The following MYO1D variants were observed in gnomAD, a reference collection of about 807,000 sequenced individuals.
MYO1D encodes myosin ID.
Under a neutral mutation model 122.0 loss-of-function variants are expected in MYO1D, and 83 were observed. The ratio of observed to expected loss-of-function variants is 0.68; its 90% CI spans 0.57 to 0.82. The LOEUF (loss-of-function observed/expected upper bound fraction) is 0.82, where lower values mean the gene tolerates loss of function less well. Among genes scored for constraint, MYO1D ranks in the 40% least tolerant of loss-of-function variants. MYO1D has a pLI of 0.00. For missense variants in MYO1D, 1,157 were observed against 1,269.5 expected, an observed-to-expected ratio of 0.91 and a Z score of 1.35; for synonymous variants, 464 against 446.9, an observed-to-expected ratio of 1.04 and a Z score of -0.48.
At chr17:32,677,059 T>G (rs1172980279) in intron 16 of MYO1D, among the ~76,000 whole-genome samples, 2 of 152,040 alleles carry the variant, frequency 1.3e-5, no homozygotes, top group Non-Finnish European at 2.9e-5. Flanking sequence ...ATCTGCCCGC[T>G]TCGGCCTCCC....
intron 21 of MYO1D, among the ~76,000 whole-genome samples, chr17:32,577,333 C>T (rs2087288222): frequency 6.6e-6 from 1 of 151,690 alleles, no homozygotes. Context: ...GGTCTTGCTA[C>T]ATTGCCAGGG....
rs548005658 is a variant in MYO1D at position 32,521,538 on chromosome 17, C to T, written c.2865-26623G>A. 9.2e-5 allele frequency among the ~76,000 whole-genome samples: 14 copies of T among 152,316 alleles called. No individual in the cohort carries two copies. In the East Asian group the frequency reaches 2.5e-3, roughly 27 times the overall value. The stretch of plus-strand genomic sequence containing the variant: ...GTCAAGGAATATTTAAATATAGATG[C>T]TAGTGAAATTCATGATCAATAATTT... On this transcript the variant is annotated intron_variant, in intron 21 of 21. Transcript: ENST00000318217.
At chr17:32,727,491 T>A (rs1413736750) in intron 14 of MYO1D, 1 of 152,178 alleles carries the variant, frequency 6.6e-6, no homozygotes, top group Non-Finnish European at 1.5e-5. Context: ...ATTCTGACCA[T>A]AAGTAATGTT....
At chr17:32,550,134 C>G (rs1315048022) in intron 21 of MYO1D, among the ~76,000 whole-genome samples, 2 of 148,100 alleles carry the variant, frequency 1.4e-5, no homozygotes, top group African/African-American at 5.0e-5. Flanking sequence ...GAGTCTAACT[C>G]TGTTGCCCAG....
rs74793766 is a variant in MYO1D at position 32,530,503 on chromosome 17, T to C, written c.2865-35588A>G. The stretch of plus-strand genomic sequence containing the variant: ...TCTGGGACAAGAATGAAAGACATCA[T>C]TCAAGACAAAAGAAAGGCTTAGTGC... On this transcript the variant is annotated intron_variant, in intron 21 of 21. Coordinates refer to ENST00000318217, the MANE Select transcript of MYO1D (RefSeq NM_015194.3). 2.8e-3 allele frequency among the ~76,000 whole-genome samples: 419 copies of C among 152,304 alleles called. 21 individuals are homozygous for C. The East Asian group carries it at 0.07, about 26-fold the overall frequency.
At chr17:32,589,070 T>G (rs1289959567) in intron 21 of MYO1D, among the ~76,000 whole-genome samples, 2 of 152,200 alleles carry the variant, frequency 1.3e-5, no homozygotes, top group Non-Finnish European at 2.9e-5. Flanking sequence ...AAGTGTACAG[T>G]ACAACAGTGT....
At chr17:32,865,128 A>G (rs1284765552) in intron 1 of MYO1D, among the ~76,000 whole-genome samples, 1 of 152,256 alleles carries the variant, frequency 6.6e-6, no homozygotes, top group African/African-American at 2.4e-5. Flanking sequence ...CAAAGCTGAT[A>G]TATGACCAAT....
chr17:32,744,620 G>A (rs893598000), intron 13 of MYO1D, among the ~76,000 whole-genome samples: 1 of 152,186 alleles, frequency 6.6e-6, no homozygotes, highest in South Asian at 2.1e-4. Flanking sequence ...TTAACCCATA[G>A]AAAGATGACC....
chr17:32,657,837 A>G (rs2088497975), intron 17 of MYO1D, among the ~76,000 whole-genome samples: 1 of 152,224 alleles, frequency 6.6e-6, no homozygotes, highest in African/African-American at 2.4e-5. Flanking sequence ...AGAAGACTGT[A>G]TAGGCTGTAG....
intron 21 of MYO1D, among the ~76,000 whole-genome samples, chr17:32,548,247 T>C (rs1464395575): frequency 6.6e-6 from 1 of 151,784 alleles, no homozygotes; most frequent in Admixed American, 6.6e-5. Context: ...GCTGGTCTTT[T>C]ATATTTTTTG....
At chr17:32,676,137 G>A (rs2088805674) in intron 16 of MYO1D, among the ~76,000 whole-genome samples, 1 of 152,122 alleles carries the variant, frequency 6.6e-6, no homozygotes, top group African/African-American at 2.4e-5. Context: ...TCATGGCAAA[G>A]TTCTCAAAAC....
chr17:32,622,533 G>C (rs1483775192), intron 20 of MYO1D, among the ~76,000 whole-genome samples: 2 of 152,128 alleles, frequency 1.3e-5, no homozygotes, highest in African/African-American at 4.8e-5. Context: ...GGCATACAGA[G>C]GGATAAGATG....
intron 1 of MYO1D, among the ~76,000 whole-genome samples, chr17:32,818,479 A>AC (rs771824584): frequency 6.6e-6 from 1 of 152,102 alleles, no homozygotes; most frequent in Non-Finnish European, 1.5e-5. Flanking sequence ...CACATTCAAG[A>AC]CCCATTCGGC....
intron 1 of MYO1D, among the ~76,000 whole-genome samples, chr17:32,837,283 C>CT (rs10692549): frequency 7.5e-6 from 1 of 132,736 alleles, no homozygotes; most frequent in East Asian, 2.2e-4. Context: ...GGCTGTTTGT[C>CT]TTTTTTTTTC....
At chr17:32,710,775 A>G (rs2089365776) in intron 16 of MYO1D, among the ~76,000 whole-genome samples, 1 of 152,246 alleles carries the variant, frequency 6.6e-6, no homozygotes, top group Admixed American at 6.5e-5. Flanking sequence ...AAGTATGAAT[A>G]GACAGTTTAC....
At chr17:32,551,748 C>T (rs1261114605) in intron 21 of MYO1D, among the ~76,000 whole-genome samples, 2 of 152,166 alleles carry the variant, frequency 1.3e-5, no homozygotes, top group African/African-American at 4.8e-5. Context: ...ATTATCCTTT[C>T]TATTTTCTGC....
intron 20 of MYO1D, among the ~76,000 whole-genome samples, chr17:32,629,359 C>CT (rs1567917983): frequency 4.6e-5 from 7 of 152,152 alleles, no homozygotes. Context: ...AAGAGTGAAC[C>CT]TTTGTGGGCA....
intron 19 of MYO1D, among the ~76,000 whole-genome samples, chr17:32,653,555 G>A (rs541652042): frequency 6.9e-6 from 1 of 143,932 alleles, no homozygotes; most frequent in South Asian, 2.2e-4. Context: ...GCAGTGAGCC[G>A]AGATTACGCC....
At chr17:32,641,504 A>G (rs562091495) in intron 19 of MYO1D, among the ~76,000 whole-genome samples, 7 of 152,304 alleles carry the variant, frequency 4.6e-5, no homozygotes, top group African/African-American at 1.4e-4. Context: ...CTGAGGAATC[A>G]CCACACTGTC....
Sources: allele counts gnomAD v4.1 joint callset (sites outside exome capture counted in the v4.1 genomes callset), GRCh38; gene constraint gnomAD v4.1.1; transcripts MANE v1.5; gene names NCBI Gene and HGNC (gene_info 2026-07-23, HGNC 2026-07-21).